The following CYTH3 variants were observed in gnomAD, a reference collection of about 807,000 sequenced individuals.
CYTH3 encodes the protein cytohesin 3.
CYTH3 carries 23 observed loss-of-function variants against 55.1 expected under a neutral mutation model. The observed-to-expected ratio is 0.42, with a 90% CI of 0.30 to 0.59. The LOEUF (loss-of-function observed/expected upper bound fraction) is 0.59, where lower values mean the gene tolerates loss of function less well. Among genes scored for constraint, CYTH3 ranks in the 20% least tolerant of loss-of-function variants. The probability of loss-of-function intolerance (pLI) is 0.20; values close to 1 mark genes in which losing one functional copy is unlikely to be tolerated. For synonymous variants in CYTH3, 249 were observed against 194.9 expected, an observed-to-expected ratio of 1.28 and a Z score of -2.31; for missense variants, 413 against 524.8, an observed-to-expected ratio of 0.79 and a Z score of 2.08.
chr7:6,181,935 T>A (rs1404107476), intron 4 of CYTH3, among the ~76,000 whole-genome samples: 1 of 152,242 alleles, frequency 6.6e-6, no homozygotes, highest in Non-Finnish European at 1.5e-5. Context: ...CCCATTTTTA[T>A]ATCATGGATA....
chr7:6,203,155 T>C (rs1044333661), intron 1 of CYTH3, among the ~76,000 whole-genome samples: 1 of 151,550 alleles, frequency 6.6e-6, no homozygotes, highest in Non-Finnish European at 1.5e-5. Flanking sequence ...AAAGCAAAAA[T>C]TGACAGATGT....
chr7:6,256,688 G>T (rs907578968), intron 1 of CYTH3, among the ~76,000 whole-genome samples: 5 of 152,180 alleles, frequency 3.3e-5, no homozygotes, highest in African/African-American at 1.2e-4. Flanking sequence ...GCAGAACCCA[G>T]GGGAAATAGC....
At chr7:6,199,898 A>G (rs1784020844) in intron 1 of CYTH3, among the ~76,000 whole-genome samples, 1 of 152,242 alleles carries the variant, frequency 6.6e-6, no homozygotes, top group Admixed American at 6.5e-5. Context: ...CACATGTGAA[A>G]TGGTTAACAT....
chr7:6,254,377 G>A (rs931034823), intron 1 of CYTH3, among the ~76,000 whole-genome samples: 1 of 152,246 alleles, frequency 6.6e-6, no homozygotes, highest in Non-Finnish European at 1.5e-5. Context: ...TCTTAAGAAT[G>A]ATAACGGCTG....
chr7:6,244,179 G>C (rs1779746230), intron 1 of CYTH3, among the ~76,000 whole-genome samples: 2 of 152,100 alleles, frequency 1.3e-5, no homozygotes, highest in African/African-American at 4.8e-5. Flanking sequence ...CTTCACAGAA[G>C]AAATGGCAGA....
intron 1 of CYTH3, among the ~76,000 whole-genome samples, chr7:6,243,617 C>T (rs536121694): frequency 6.6e-6 from 1 of 152,290 alleles, no homozygotes; most frequent in South Asian, 2.1e-4. Context: ...GTGGAATTTA[C>T]TTAGGTGGCT....
intron 1 of CYTH3, among the ~76,000 whole-genome samples, chr7:6,252,826 T>TA (rs1780008973): frequency 2.0e-5 from 3 of 152,228 alleles, no homozygotes; most frequent in African/African-American, 7.2e-5. Context: ...ATTTTCCAAT[T>TA]GTTAAGTTCA....
intron 1 of CYTH3, among the ~76,000 whole-genome samples, chr7:6,236,364 C>CTT (rs34013002): frequency 1.6e-5 from 2 of 122,312 alleles, no homozygotes; most frequent in African/African-American, 6.1e-5. Context: ...CTACGCCTGA[C>CTT]TTTTTTTTTT....
At chr7:6,272,410 G>GGGGGGGGGGGGCCGGC in intron 1 of CYTH3, 64 bp downstream of exon 1, 1 of 1,216,614 alleles carries the variant, frequency 8.2e-7, no homozygotes, top group Non-Finnish European at 1.1e-6. Flanking sequence ...CCGCGCCCTC[G>GGGGGGGGGGGGCCGGC]ACCCCCAGCC....
At chr7:6,216,908 G>C (rs964083101) in intron 1 of CYTH3, among the ~76,000 whole-genome samples, 30 of 146,836 alleles carry the variant, frequency 2.0e-4, no homozygotes, top group Non-Finnish European at 3.9e-4. Context: ...TAATATAATC[G>C]ATAATGACTT....
At chr7:6,243,077 T>C (rs1395851256) in intron 1 of CYTH3, among the ~76,000 whole-genome samples, 1 of 152,202 alleles carries the variant, frequency 6.6e-6, no homozygotes, top group Non-Finnish European at 1.5e-5. Flanking sequence ...CCTAGTCTCA[T>C]GATTAATTGC....
intron 5 of CYTH3, among the ~76,000 whole-genome samples, chr7:6,175,241 G>A (rs1193563519): frequency 6.6e-6 from 1 of 152,110 alleles, no homozygotes; most frequent in African/African-American, 2.4e-5. Flanking sequence ...CAGTGGGAGT[G>A]GGGAAGGAAC....
In CYTH3 at chr7:6,198,093, AG is replaced by A. The variant is rs1233496987; in HGVS notation, c.35-7563del. Among the ~76,000 whole-genome samples, 31 of 149,678 alleles carry A rather than the reference AG, an allele frequency of 2.1e-4. No individual in the cohort carries two copies. In the South Asian group the frequency reaches 6.1e-3, roughly 30 times the overall value. On this transcript the variant is annotated intron_variant, in intron 1 of 12. Transcript: ENST00000350796. Reference sequence around the variant, plus strand: ...TGAGTAACAGAGTGAGACACTCTTAAGAAAAAAAAAAAAAAAAGGAAAAAAA... The same window carrying A: ...TGAGTAACAGAGTGAGACACTCTTAAAAAAAAAAAAAAAAAAGGAAAAAAA...
intron 1 of CYTH3, among the ~76,000 whole-genome samples, chr7:6,243,935 A>T (rs1779739895): frequency 6.6e-6 from 1 of 152,210 alleles, no homozygotes; most frequent in African/African-American, 2.4e-5. Context: ...CAAAATGGAA[A>T]TTCTCTCCTG....
At chr7:6,210,796 TTAAC>T (rs1213504017) in intron 1 of CYTH3, among the ~76,000 whole-genome samples, 1 of 152,212 alleles carries the variant, frequency 6.6e-6, no homozygotes, top group Non-Finnish European at 1.5e-5. Flanking sequence ...CTCAGCATCT[TTAAC>T]TAAGTGTCTT....
At chr7:6,183,932 C>T (rs1783570285) in intron 4 of CYTH3, among the ~76,000 whole-genome samples, 1 of 151,828 alleles carries the variant, frequency 6.6e-6, no homozygotes, top group Non-Finnish European at 1.5e-5. Flanking sequence ...CGGCTACTAG[C>T]AAGCCAGGAA....
intron 1 of CYTH3, among the ~76,000 whole-genome samples, chr7:6,256,072 T>C (rs1780096984): frequency 6.6e-6 from 1 of 152,150 alleles, no homozygotes; most frequent in South Asian, 2.1e-4. Context: ...CAACCTTTAA[T>C]CTGTTTAACC....
In CYTH3 at chr7:6,171,114, A is replaced by C. The variant is rs1350919351; in HGVS notation, c.562+88T>G. 2.5e-6 allele frequency: 4 copies of C among 1,583,510 alleles called. No individual in the cohort carries two copies. Among genetic ancestry groups the C allele is most frequent in the Non-Finnish European group, 3.5e-6 (4 of 1,155,774 alleles). ...TCAGGGAAGGCAGGTCCCCAGGAACACACGCTGGGCTGTGCCCACAGGGGC... is the reference window on the plus strand; with the variant it reads ...TCAGGGAAGGCAGGTCCCCAGGAACCCACGCTGGGCTGTGCCCACAGGGGC... On this transcript the variant is annotated intron_variant, in intron 7 of 12. Coordinates refer to ENST00000350796, the MANE Select transcript of CYTH3 (RefSeq NM_004227.4). The surrounding 1 kb of genome is among the most constrained non-coding windows in gnomAD (Gnocchi z 6.7).
At chr7:6,194,932 G>C (rs552143107) in intron 1 of CYTH3, among the ~76,000 whole-genome samples, 5 of 152,084 alleles carry the variant, frequency 3.3e-5, no homozygotes, top group African/African-American at 1.2e-4. Context: ...CCGAGATCGC[G>C]TCATTGCACT....
Sources: allele counts gnomAD v4.1 joint callset (sites outside exome capture counted in the v4.1 genomes callset), GRCh38; gene constraint gnomAD v4.1.1; non-coding constraint Gnocchi (gnomAD v3.1); transcripts MANE v1.5; gene names NCBI Gene and HGNC (gene_info 2026-07-23, HGNC 2026-07-21).